PUM1: variants seen among roughly 807,000 people sequenced by gnomAD.
PUM1 encodes the protein pumilio RNA binding family member 1, also known as pumilio homolog 1.
PUM1 carries 13 observed loss-of-function variants against 131.8 expected under a neutral mutation model. That is an observed-to-expected ratio of 0.10 (90% CI 0.06 to 0.16). PUM1 has a LOEUF of 0.16. Ranked by LOEUF, PUM1 falls within the 10% of genes least tolerant of loss-of-function variation. The pLI, the probability that PUM1 is intolerant of heterozygous loss-of-function variation, is 1.00. For synonymous variants in PUM1, 509 were observed against 556.5 expected (o/e 0.91, Z 1.20); for missense variants, 961 against 1,512.4 (o/e 0.64, Z 6.05).
intron 1 of PUM1, among the ~76,000 whole-genome samples, chr1:31,063,734 T>C (rs891488661): frequency 6.6e-6 from 1 of 152,126 alleles, no homozygotes; most frequent in Non-Finnish European, 1.5e-5. Flanking sequence ...AAGAAAAGAC[T>C]CCTATAAAAA....
At chr1:30,956,598 T>C (rs1640176297) in intron 14 of PUM1, among the ~76,000 whole-genome samples, 1 of 152,176 alleles carries the variant, frequency 6.6e-6, no homozygotes, top group Admixed American at 6.5e-5. Flanking sequence ...GAAACAATTC[T>C]GTCTTACCTG....
chr1:30,953,615 T>C, intron 15 of PUM1, 99 bp downstream of exon 15: 2 of 1,339,660 alleles, frequency 1.5e-6, no homozygotes, highest in South Asian at 2.7e-5. Flanking sequence ...TTTAAAAAAT[T>C]ACTATATGGC....
At chr1:31,000,171 CA>C (rs1642154383) in intron 5 of PUM1, among the ~76,000 whole-genome samples, 1 of 152,178 alleles carries the variant, frequency 6.6e-6, no homozygotes, top group African/African-American at 2.4e-5. Context: ...ACATAAGCAT[CA>C]GAAAGGCATG....
At position 30,995,199 on chromosome 1, in the gene PUM1, C is replaced by G. The variant is rs1641936715; in HGVS notation, c.742G>C (p.Asp248His). 1 of 1,614,044 alleles carries G rather than the reference C, an allele frequency of 6.2e-7. No homozygotes were observed. Among genetic ancestry groups the G allele is most frequent in the Admixed American group, 1.7e-5 (1 of 60,000 alleles). ...GGFGPRDADS[D>H]ENDKGEKKNK... is the part of the protein sequence containing the mutation. ...TTCTTTTCACCTTTGTCGTTTTCAT[C>G]ACTGTCTGCATCCCTTGGGCCCTGT... is the stretch of plus-strand genomic sequence containing the variant. Residue 248 changes from aspartate to histidine, a missense_variant, in exon 6 of 22, where the codon GAT (aspartate) becomes CAT (histidine). Asp to His is a moderately conservative substitution (Grantham distance 81, BLOSUM62 -1). Around this residue, in one of 4 missense-constraint regions of PUM1, gnomAD observed 654 missense variants for 923.9 expected, o/e 0.71. Transcript: ENST00000426105.
intron 7 of PUM1, 81 bp from the exon 8 acceptor site, chr1:30,981,486 T>C (rs1641354767): frequency 1.3e-6 from 1 of 785,110 alleles, no homozygotes; most frequent in South Asian, 1.8e-5. Flanking sequence ...CTAAAAATTT[T>C]AATAAGCACT....
At chr1:31,032,124 C>T (rs183323534) in intron 2 of PUM1, among the ~76,000 whole-genome samples, 3 of 152,306 alleles carry the variant, frequency 2.0e-5, no homozygotes, top group Non-Finnish European at 2.9e-5. Context: ...CAGTCACCCA[C>T]GTTGACTACA....
intron 5 of PUM1, among the ~76,000 whole-genome samples, chr1:31,003,502 ATC>A (rs1358070393): frequency 6.6e-6 from 1 of 152,142 alleles, no homozygotes; most frequent in East Asian, 1.9e-4. Context: ...CACGCTTGTA[ATC>A]CCAGCACTTT....
chr1:30,932,547 A>C lies in PUM1; in HGVS notation c.*664T>G, dbSNP rs1285087826. 1 of 151,650 alleles carries C rather than the reference A, an allele frequency of 6.6e-6. No homozygotes were observed. Among genetic ancestry groups the C allele is most frequent in the East Asian group, 1.9e-4 (1 of 5,188 alleles). The allele number at this position is 151,650 out of a possible 1,614,324, so 9.4% of individuals were successfully genotyped here. A position where few individuals can be genotyped will look rare whatever the true frequency, so the allele number is the denominator to read the frequency against. On this transcript the variant is annotated 3_prime_UTR_variant, in exon 22 of 22. Coordinates refer to ENST00000426105, the MANE Select transcript of PUM1 (RefSeq NM_001020658.2). ...CTCCTCCTCACGAACAGCCTTCTTCAGCATAATATAGTCTCCAAAAAAGGC... is the reference window on the plus strand; with the variant it reads ...CTCCTCCTCACGAACAGCCTTCTTCCGCATAATATAGTCTCCAAAAAAGGC...
Position 31,059,186 on chromosome 1 carries a change from T to C in PUM1, c.363+18A>G. 3 of 1,540,924 alleles carry C rather than the reference T, an allele frequency of 1.9e-6. No homozygotes were observed. The highest frequency in any genetic ancestry group is 2.6e-6 in the Non-Finnish European group (3 of 1,143,446). ...TTATAAAGGAATGTCAAAGCTAAAA[T>C]AGTGAACTTTTTTTTACCTGATGTT... On this transcript the variant is annotated intron_variant, in intron 2 of 21. Transcript: ENST00000426105.
rs1485018257 is a variant in PUM1 at position 30,952,347 on chromosome 1, G to A, written c.2608C>T (p.Leu870=). 1.9e-6 allele frequency: 3 copies of A among 1,613,676 alleles called. No homozygotes were observed. The East Asian group carries it at 6.7e-5, about 36-fold the overall frequency. Residue 870 remains leucine, a synonymous_variant, in exon 16 of 22, where the codon CTG becomes TTG. Transcript: ENST00000426105. ...CGCTCAGCTGGTGTGGCACGCTCCAGTTTCAGCTGAATGAATCTGAAGTAC... is the reference window on the plus strand; with the variant it reads ...CGCTCAGCTGGTGTGGCACGCTCCAATTTCAGCTGAATGAATCTGAAGTAC... ...QHGSRFIQLK[L]ERATPAERQL...
chr1:30,959,082 T>TA (rs1394414430), intron 14 of PUM1, among the ~76,000 whole-genome samples: 3 of 152,148 alleles, frequency 2.0e-5, no homozygotes, highest in East Asian at 3.9e-4. Context: ...CAAGAAGAAA[T>TA]AAAAATCTGA....
chr1:31,046,360 T>C (rs898812491), intron 2 of PUM1, among the ~76,000 whole-genome samples: 3 of 152,128 alleles, frequency 2.0e-5, no homozygotes, highest in Non-Finnish European at 4.4e-5. Flanking sequence ...CACTCCAACC[T>C]GGGCAACAAG....
intron 9 of PUM1, among the ~76,000 whole-genome samples, chr1:30,978,315 A>C (rs1441837131): frequency 6.6e-6 from 1 of 152,240 alleles, no homozygotes; most frequent in Admixed American, 6.5e-5. Flanking sequence ...TAAAATCATC[A>C]TCTGAAAAAT....
chr1:31,062,261 C>T (rs1341765947), intron 1 of PUM1, among the ~76,000 whole-genome samples: 2 of 152,176 alleles, frequency 1.3e-5, no homozygotes, highest in East Asian at 1.9e-4. Context: ...CACTAAAGTT[C>T]CTTAAAACCA....
rs1638989887 is a variant in PUM1, at chr1:30,932,048, G to C, written c.*1163C>G. 2.0e-5 allele frequency: 3 copies of C among 152,462 alleles called. No individual in the cohort carries two copies. Among genetic ancestry groups the C allele is most frequent in the Admixed American group, 2.0e-4 (3 of 15,260 alleles). The allele number at this position is 152,462 out of a possible 1,614,324, so 9.4% of individuals were successfully genotyped here. The stretch of plus-strand genomic sequence containing the variant: ...TTAAACATTAACTAGGCTGTATAAA[G>C]AACATTTATTCCTTCAAAAGAAAAA... On this transcript the variant is annotated 3_prime_UTR_variant, in exon 22 of 22. Coordinates refer to ENST00000426105, the MANE Select transcript of PUM1 (RefSeq NM_001020658.2).
intron 2 of PUM1, among the ~76,000 whole-genome samples, chr1:31,051,848 A>G (rs1357691010): frequency 6.6e-6 from 1 of 152,106 alleles, no homozygotes; most frequent in Non-Finnish European, 1.5e-5. Context: ...TTCATCAACC[A>G]GTTTATCTAT....
At chr1:31,044,507 T>C (rs552152887) in intron 2 of PUM1, among the ~76,000 whole-genome samples, 4 of 152,304 alleles carry the variant, frequency 2.6e-5, no homozygotes, top group African/African-American at 9.6e-5. Context: ...AAAACATGCT[T>C]CACTTATGTC....
chr1:31,053,357 AT>A (rs1486385813), intron 2 of PUM1, among the ~76,000 whole-genome samples: 11 of 144,564 alleles, frequency 7.6e-5, no homozygotes, highest in Admixed American at 5.0e-4. Flanking sequence ...AAAAAAAAAA[AT>A]TTTTTTCATG....
At chr1:30,980,811 G>A (rs964635572) in intron 8 of PUM1, among the ~76,000 whole-genome samples, 14 of 152,164 alleles carry the variant, frequency 9.2e-5, no homozygotes, top group Admixed American at 2.0e-4. Context: ...TAGGCAGTAC[G>A]ATGAATACAT....
Sources: allele counts gnomAD v4.1 joint callset (sites outside exome capture counted in the v4.1 genomes callset), GRCh38; gene constraint gnomAD v4.1.1; regional missense constraint gnomAD v4.1.1; transcripts MANE v1.5; gene names NCBI Gene and HGNC (gene_info 2026-07-23, HGNC 2026-07-21).